The following ARHGEF4 variants were observed in gnomAD, a reference collection of about 807,000 sequenced individuals.
The protein encoded by ARHGEF4 is Rho guanine nucleotide exchange factor 4, also known as APC-stimulated guanine nucleotide exchange factor 1.
A neutral mutation model predicts 162.0 loss-of-function variants in ARHGEF4; 119 were observed. That is an observed-to-expected ratio of 0.73 (90% CI 0.63 to 0.86). The LOEUF is 0.86. Among genes scored for constraint, ARHGEF4 ranks in the 40% least tolerant of loss-of-function variants. ARHGEF4 has a pLI of 0.00. For synonymous variants in ARHGEF4, 1,014 were observed against 979.9 expected (o/e 1.03, Z -0.65); for missense variants, 2,488 against 2,456.0 (o/e 1.01, Z -0.28).
intron 5 of ARHGEF4, among the ~76,000 whole-genome samples, chr2:131,033,058 G>A (rs1258807875): frequency 2.0e-5 from 3 of 151,936 alleles, no homozygotes; most frequent in Non-Finnish European, 4.4e-5. Flanking sequence ...TCACTATGTT[G>A]CCCAGGCTGG....
chr2:130,837,072 G>GC (rs993674226), intron 1 of ARHGEF4, 80 bp downstream of exon 1: 18 of 1,203,582 alleles, frequency 1.5e-5, no homozygotes, highest in Admixed American at 4.3e-5. Flanking sequence ...CGCGCTGGCT[G>GC]CTGCGCCCCG....
rs1238781180 is a variant in ARHGEF4, at chr2:130,916,653, A to G, written c.2707A>G (p.Lys903Glu). The change falls in exon 2 of 14, where the codon AAA (lysine) becomes GAA (glutamate). Residue 903 changes from lysine (K) to glutamate (E), a missense_variant. Physicochemically the swap from Lys to Glu is moderately conservative, Grantham distance 56. Coordinates refer to ENST00000409359, the MANE Select transcript of ARHGEF4 (RefSeq NM_001367493.1). ...CNAKRLKTTE[K>E]KLRARLALAH... ...CGCAAAGAGACTCAAAACAACGGAGAAAAAACTCAGGGCAAGGTTGGCCTT... is the reference window on the plus strand; with the variant it reads ...CGCAAAGAGACTCAAAACAACGGAGGAAAAACTCAGGGCAAGGTTGGCCTT... 4 of 1,550,616 alleles carry G rather than the reference A, an allele frequency of 2.6e-6. No individual in the cohort carries two copies. The highest frequency in any genetic ancestry group is 2.0e-5 in the Admixed American group (1 of 51,014).
At chr2:131,020,967 T>G (rs1019727992) in intron 4 of ARHGEF4, among the ~76,000 whole-genome samples, 1 of 152,246 alleles carries the variant, frequency 6.6e-6, no homozygotes, top group African/African-American at 2.4e-5. Flanking sequence ...TCATGTGTCT[T>G]TTGGCTGCAT....
Position 131,039,156 on chromosome 2 carries a change from G to A in ARHGEF4, c.4305+124G>A, listed in dbSNP as rs989268063. The stretch of plus-strand genomic sequence containing the variant: ...TGCAGAGCACTGGGTGGTGGGTGTC[G>A]GGGCGCAGTGTCACAGCCTTCCTCC... On this transcript the variant is annotated intron_variant, in intron 6 of 13. Coordinates refer to ENST00000409359, the MANE Select transcript of ARHGEF4 (RefSeq NM_001367493.1). 64 of 1,301,182 alleles carry A rather than the reference G, an allele frequency of 4.9e-5. No homozygotes were observed. In the African/African-American group the frequency reaches 7.2e-4, roughly 15 times the overall value. 80.6% of individuals were successfully genotyped at this position (1,301,182 alleles called of 1,614,324 possible). A position where few individuals can be genotyped will look rare whatever the true frequency, so the allele number is the denominator to read the frequency against.
intron 3 of ARHGEF4, among the ~76,000 whole-genome samples, chr2:130,935,919 G>C (rs867406757): frequency 3.3e-5 from 5 of 152,168 alleles, no homozygotes; most frequent in Non-Finnish European, 7.4e-5. Context: ...TACAAAATCA[G>C]CTGGGCGTGG....
chr2:130,995,518 G>T (rs1470600621), intron 4 of ARHGEF4, among the ~76,000 whole-genome samples: 1 of 152,104 alleles, frequency 6.6e-6, no homozygotes, highest in Non-Finnish European at 1.5e-5. Context: ...CTCCTGTTGT[G>T]CATGTTGCCT....
rs534810132 is a variant in ARHGEF4 at position 130,905,018 on chromosome 2, G to T, written c.40-8968G>T. ...CGCTTGAACATCGGAGGCAGAGGTT[G>T]CAGTGAGCTAAGATCAGGCCACTGC... On this transcript the variant is annotated intron_variant, in intron 1 of 13. Transcript: ENST00000409359. Among the ~76,000 whole-genome samples, 4 of 152,226 alleles carry T rather than the reference G, an allele frequency of 2.6e-5. No individual in the cohort carries two copies. In the South Asian group the frequency reaches 6.2e-4, roughly 24 times the overall value.
chr2:131,005,892 G>C (rs1441166644), intron 4 of ARHGEF4, among the ~76,000 whole-genome samples: 1 of 152,228 alleles, frequency 6.6e-6, no homozygotes, highest in Non-Finnish European at 1.5e-5. Flanking sequence ...GGAACTTCCT[G>C]CAAGGGACTT....
intron 1 of ARHGEF4, among the ~76,000 whole-genome samples, chr2:130,904,111 G>A (rs1012732121): frequency 6.6e-6 from 1 of 152,162 alleles, no homozygotes; most frequent in Admixed American, 6.5e-5. Context: ...CTCCACAGGG[G>A]CTGTGCTTAT....
intron 1 of ARHGEF4, among the ~76,000 whole-genome samples, chr2:130,911,405 T>C (rs956119869): frequency 1.3e-5 from 2 of 152,190 alleles, no homozygotes; most frequent in Admixed American, 6.5e-5. Flanking sequence ...GCAGAAAGAA[T>C]ACTTGTTTGG....
Position 130,930,979 on chromosome 2 carries a change from G to C in ARHGEF4, c.3580G>C (p.Gly1194Arg). The C allele has an allele frequency of 6.2e-7, 1 of 1,610,214 alleles. No individual in the cohort carries two copies. The change falls in exon 3 of 14, where the codon GGT becomes CGT. Residue 1194 changes from glycine (G) to arginine (R), a missense_variant. Coordinates refer to ENST00000409359, the MANE Select transcript of ARHGEF4 (RefSeq NM_001367493.1). ...ENHMPWEEPA[G>R]EKPSCSHSQK... ...CCACATGCCCTGGGAAGAACCAGCA[G>C]GTGAGAAGCCCAGTTGCTCTCACAG... is the stretch of plus-strand genomic sequence containing the variant.
chr2:130,962,770 A>G (rs1352858525), intron 4 of ARHGEF4, among the ~76,000 whole-genome samples: 2 of 149,686 alleles, frequency 1.3e-5, no homozygotes, highest in Non-Finnish European at 3.0e-5. Flanking sequence ...AGCAGCCCCC[A>G]AGGGCTTTGG....
chr2:130,967,030 A>T (rs555091130), intron 4 of ARHGEF4, among the ~76,000 whole-genome samples: 5 of 152,108 alleles, frequency 3.3e-5, no homozygotes, highest in Admixed American at 6.5e-5. Flanking sequence ...TTGTGGTGTG[A>T]TTTTTGTGGT....
chr2:131,034,003 A>T (rs1040596223), intron 5 of ARHGEF4, among the ~76,000 whole-genome samples: 2 of 152,086 alleles, frequency 1.3e-5, no homozygotes, highest in African/African-American at 2.4e-5. Flanking sequence ...ATGCACACAC[A>T]TGTGGCATCC....
intron 9 of ARHGEF4, 104 bp downstream of exon 9, chr2:131,041,566 AAC>A (rs1690812238): frequency 7.9e-7 from 1 of 1,270,358 alleles, no homozygotes; most frequent in Admixed American, 2.4e-5. Context: ...GCCCTGGGGC[AAC>A]ACACAGAAAA....
At chr2:130,999,027 GCT>G (rs1352435940) in intron 4 of ARHGEF4, among the ~76,000 whole-genome samples, 2 of 152,104 alleles carry the variant, frequency 1.3e-5, no homozygotes, top group African/African-American at 4.8e-5. Context: ...TGTAGTGGTG[GCT>G]CTTTATTATT....
chr2:130,883,038 G>A (rs1679296099), intron 1 of ARHGEF4, among the ~76,000 whole-genome samples: 1 of 152,070 alleles, frequency 6.6e-6, no homozygotes, highest in Non-Finnish European at 1.5e-5. Context: ...TGGTGGTGAT[G>A]CATCTCCTGT....
chr2:130,855,827 G>A (rs750392453), intron 1 of ARHGEF4, among the ~76,000 whole-genome samples: 3 of 151,880 alleles, frequency 2.0e-5, no homozygotes, highest in Non-Finnish European at 2.9e-5. Context: ...AGGGCAACCA[G>A]AAGTTTAAAC....
chr2:130,948,082 G>T (rs1470708079), intron 4 of ARHGEF4, among the ~76,000 whole-genome samples: 1 of 152,242 alleles, frequency 6.6e-6, no homozygotes, highest in Non-Finnish European at 1.5e-5. Flanking sequence ...TAGAAAGCCA[G>T]TGTGGTGAGG....
Sources: gnomAD v4.1 joint callset for allele counts (sites outside exome capture counted in the v4.1 genomes callset) on GRCh38, gnomAD v4.1.1 for gene constraint, MANE v1.5 for transcripts, NCBI Gene and HGNC (gene_info 2026-07-23, HGNC 2026-07-21) for gene names.